GABRB1: variants seen among roughly 807,000 people sequenced by gnomAD.
GABRB1 encodes the protein gamma-aminobutyric acid type A receptor subunit beta1, also known as gamma-aminobutyric acid receptor subunit beta-1.
In GABRB1, 17 loss-of-function variants were observed where a neutral mutation model predicts 51.6. The ratio of observed to expected loss-of-function variants is 0.33; its 90% confidence interval spans 0.23 to 0.49. GABRB1 has a LOEUF of 0.49. GABRB1 is among the 20% of genes least tolerant of loss of function. The pLI, the probability that GABRB1 is intolerant of heterozygous loss-of-function variation, is 0.99. For missense variants in GABRB1, 410 were observed against 600.6 expected, an observed-to-expected ratio of 0.68 and a Z score of 3.32; for synonymous variants, 247 against 218.9, an observed-to-expected ratio of 1.13 and a Z score of -1.14.
At chr4:47,294,046 G>A (rs1160109939) in intron 4 of GABRB1, among the ~76,000 whole-genome samples, 1 of 152,078 alleles carries the variant, frequency 6.6e-6, no homozygotes, top group Non-Finnish European at 1.5e-5. Context: ...GGAAGCAAAT[G>A]TACATAAATA....
chr4:47,181,049 A>T (rs912956326), intron 4 of GABRB1, among the ~76,000 whole-genome samples: 2 of 152,002 alleles, frequency 1.3e-5, no homozygotes, highest in African/African-American at 4.8e-5. Context: ...ACTGTATTCA[A>T]ATTAAAGACT....
intron 4 of GABRB1, among the ~76,000 whole-genome samples, chr4:47,312,050 TGTGTGTGTG>T (rs1724707364): frequency 2.9e-5 from 4 of 137,598 alleles, no homozygotes; most frequent in African/African-American, 1.0e-4. Flanking sequence ...TGTGTGTGTG[TGTGTGTGTG>T]TGTGTGTGTG....
At chr4:47,354,903 ACCTGCCTGCCTG>A (rs55735490) in intron 5 of GABRB1, among the ~76,000 whole-genome samples, 51,925 of 128,316 alleles carry the variant, frequency 0.4, 11,957 homozygotes, top group East Asian at 0.87. Context: ...AGGCCTTCCT[ACCTGCCTGCCTG>A]CCTGCCTGCC....
chr4:47,175,924 G>A (rs1718676222), intron 4 of GABRB1, among the ~76,000 whole-genome samples: 1 of 152,124 alleles, frequency 6.6e-6, no homozygotes, highest in South Asian at 2.1e-4. Context: ...TACACTGAAG[G>A]TGATTATTGG....
chr4:47,331,973 CT>C (rs1725501314), intron 5 of GABRB1, among the ~76,000 whole-genome samples: 1 of 152,096 alleles, frequency 6.6e-6, no homozygotes. Context: ...TTCACAAAAC[CT>C]TTTTCTCTGG....
At chr4:47,383,774 G>A (rs1727677864) in intron 5 of GABRB1, among the ~76,000 whole-genome samples, 2 of 152,064 alleles carry the variant, frequency 1.3e-5, no homozygotes, top group Admixed American at 6.6e-5. Flanking sequence ...ATTTTTTATA[G>A]TTACTTTAGT....
At chr4:47,049,479 T>TGAGA (rs1181344822) in intron 3 of GABRB1, among the ~76,000 whole-genome samples, 2 of 152,118 alleles carry the variant, frequency 1.3e-5, no homozygotes, top group Non-Finnish European at 2.9e-5. Flanking sequence ...CAGTGAACAC[T>TGAGA]GAGAGAGAAA....
At chr4:47,254,656 G>A (rs1427071161) in intron 4 of GABRB1, among the ~76,000 whole-genome samples, 2 of 151,960 alleles carry the variant, frequency 1.3e-5, no homozygotes, top group African/African-American at 2.4e-5. Flanking sequence ...ACCAGGGTGA[G>A]CCACCATGCC....
At chr4:47,200,478 T>G (rs149936853) in intron 4 of GABRB1, among the ~76,000 whole-genome samples, 22 of 152,274 alleles carry the variant, frequency 1.4e-4, no homozygotes, top group African/African-American at 5.1e-4. Context: ...TGTTTTTTAA[T>G]AAAGGCATCG....
chr4:47,410,512 A>C (rs1728726680), intron 8 of GABRB1, among the ~76,000 whole-genome samples: 1 of 152,164 alleles, frequency 6.6e-6, no homozygotes, highest in Non-Finnish European at 1.5e-5. Flanking sequence ...CTTCAGCAGA[A>C]ACTGAAGTTG....
chr4:47,274,278 G>A (rs1379212666), intron 4 of GABRB1, among the ~76,000 whole-genome samples: 1 of 152,108 alleles, frequency 6.6e-6, no homozygotes. Flanking sequence ...TACATAAAAT[G>A]TTTGACATAG....
At chr4:47,376,615 C>A (rs1458997234) in intron 5 of GABRB1, among the ~76,000 whole-genome samples, 1 of 152,182 alleles carries the variant, frequency 6.6e-6, no homozygotes, top group East Asian at 1.9e-4. Flanking sequence ...CCACTGCACT[C>A]CAGCCTGGGC....
rs1384894626 is a variant in GABRB1 at position 47,425,655 on chromosome 4, C to G, written c.1081-19C>G. The G allele has an allele frequency of 6.4e-7, 1 of 1,568,612 alleles. No homozygotes were observed. The highest frequency in any genetic ancestry group is 1.2e-5 in the South Asian group (1 of 84,200). On this transcript the variant is annotated intron_variant, in intron 8 of 8. Transcript: ENST00000295454. Reference sequence around the variant, plus strand: ...AAGGTCCTGCAACTTGTGTCCGAGCCTGTTCTTTTTGCCATCAGGTCGACG... The same window carrying G: ...AAGGTCCTGCAACTTGTGTCCGAGCGTGTTCTTTTTGCCATCAGGTCGACG...
At position 47,100,262 on chromosome 4, in the gene GABRB1, G is replaced by A. The variant is rs183995718; in HGVS notation, c.241-60987G>A. On this transcript the variant is annotated intron_variant, in intron 3 of 8. Coordinates refer to ENST00000295454, the MANE Select transcript of GABRB1 (RefSeq NM_000812.4). The stretch of plus-strand genomic sequence containing the variant: ...CATGGGATTATGTTGATTGTATACT[G>A]GTTATTTGTAAAATTATACCTAATA... Among the ~76,000 whole-genome samples, 896 of 152,016 alleles carry A rather than the reference G, an allele frequency of 5.9e-3. 4 individuals carry two copies. The highest frequency in any genetic ancestry group is 0.02 in the African/African-American group (840 of 41,488).
chr4:47,262,846 T>C (rs185401357), intron 4 of GABRB1, among the ~76,000 whole-genome samples: 5,326 of 151,984 alleles, frequency 0.035, 316 homozygotes, highest in African/African-American at 0.12. Flanking sequence ...ATATGCACCA[T>C]GGAATACTAT....
intron 1 of GABRB1, among the ~76,000 whole-genome samples, chr4:46,996,298 T>G (rs1216409081): frequency 6.6e-6 from 1 of 152,098 alleles, no homozygotes; most frequent in Admixed American, 6.6e-5. Context: ...GATTACTAGG[T>G]TTAGCAGAAT....
intron 1 of GABRB1, among the ~76,000 whole-genome samples, chr4:47,009,859 T>C (rs931659543): frequency 2.4e-4 from 36 of 152,338 alleles, no homozygotes; most frequent in African/African-American, 8.7e-4. Context: ...AAACCAAGAA[T>C]GTGATGGTGG....
chr4:46,996,065 T>C (rs1035666258), intron 1 of GABRB1, among the ~76,000 whole-genome samples: 1 of 132,454 alleles, frequency 7.5e-6, no homozygotes, highest in Non-Finnish European at 1.7e-5. Context: ...GCCTGCTAAC[T>C]TGAGGTTTTT....
intron 8 of GABRB1, among the ~76,000 whole-genome samples, 190 bp from the exon 9 acceptor site, chr4:47,425,484 A>T (rs1310964575): frequency 1.5e-5 from 2 of 133,426 alleles, no homozygotes; most frequent in African/African-American, 5.5e-5. Flanking sequence ...TGATGATGAT[A>T]GATAGATAGA....
Sources: gnomAD v4.1 joint callset for allele counts (sites outside exome capture counted in the v4.1 genomes callset) on GRCh38, gnomAD v4.1.1 for gene constraint, MANE v1.5 for transcripts, NCBI Gene and HGNC (gene_info 2026-07-23, HGNC 2026-07-21) for gene names.